Variants in CDH8 observed in about 807,000 individuals in gnomAD.
CDH8 encodes cadherin 8.
A neutral mutation model predicts 68.1 loss-of-function variants in CDH8; 17 were observed. That is an observed-to-expected ratio of 0.25 (90% confidence interval 0.17 to 0.37). The LOEUF (loss-of-function observed/expected upper bound fraction) is 0.37, where lower values mean the gene tolerates loss of function less well. CDH8 is among the 10% of genes least tolerant of loss of function. CDH8 has a pLI of 1.00. For synonymous variants in CDH8, 372 were observed against 365.1 expected (o/e 1.02, Z -0.21); for missense variants, 763 against 999.3 (o/e 0.76, Z 3.19).
At chr16:61,979,277 A>T (rs1965492250) in intron 2 of CDH8, among the ~76,000 whole-genome samples, 1 of 152,232 alleles carries the variant, frequency 6.6e-6, no homozygotes, top group African/African-American at 2.4e-5. Context: ...AGGTGGATTG[A>T]AGAAATGTGT....
intron 4 of CDH8, among the ~76,000 whole-genome samples, chr16:61,852,897 T>TCTTC (rs61658186): frequency 0.066 from 8,050 of 121,148 alleles, 369 homozygotes; most frequent in African/African-American, 0.11. Flanking sequence ...TTCCTTCCAT[T>TCTTC]CTTCCTTCCT....
At position 61,652,536 on chromosome 16, in the gene CDH8, C is replaced by G. The variant is rs1439409350; in HGVS notation, c.*1072G>C. 3.5e-5 allele frequency: 36 copies of G among 1,028,334 alleles called. No homozygotes were observed. Among genetic ancestry groups the G allele is most frequent in the Admixed American group, 5.7e-5 (1 of 17,654 alleles). The allele number at this position is 1,028,334 out of a possible 1,614,324, so 63.7% of individuals were successfully genotyped here. A position where few individuals can be genotyped will look rare whatever the true frequency, so the allele number is the denominator to read the frequency against. Reference sequence around the variant, plus strand: ...TTCCTGCCATCTCCAGTTACAATAACACTTTCTACTCTAAAGAGACTATTA... The same window carrying G: ...TTCCTGCCATCTCCAGTTACAATAAGACTTTCTACTCTAAAGAGACTATTA... On this transcript the variant is annotated 3_prime_UTR_variant, in exon 12 of 12. Transcript: ENST00000577390.
intron 10 of CDH8, chr16:61,691,919 G>A (rs1307451450): frequency 1.3e-5 from 2 of 152,044 alleles, no homozygotes; most frequent in South Asian, 2.1e-4. Flanking sequence ...CATTAATAAT[G>A]TGATATGCAG....
chr16:61,815,282 G>GTAA (rs1242072117), intron 7 of CDH8, among the ~76,000 whole-genome samples: 2 of 152,110 alleles, frequency 1.3e-5, no homozygotes, highest in Non-Finnish European at 2.9e-5. Context: ...GCCAGTAACA[G>GTAA]TAATAAAAGT....
intron 2 of CDH8, among the ~76,000 whole-genome samples, chr16:61,917,294 C>A (rs1964255739): frequency 1.3e-5 from 2 of 152,218 alleles, no homozygotes; most frequent in East Asian, 3.9e-4. Flanking sequence ...CAATTCAGTT[C>A]TCCCTGCTTT....
At chr16:61,804,768 G>A (rs1028781877) in intron 7 of CDH8, among the ~76,000 whole-genome samples, 2 of 140,740 alleles carry the variant, frequency 1.4e-5, no homozygotes, top group African/African-American at 2.7e-5. Flanking sequence ...GACTAAACCA[G>A]GAAGAAGTTG....
At chr16:61,828,245 G>A (rs1962383957) in intron 4 of CDH8, among the ~76,000 whole-genome samples, 1 of 151,858 alleles carries the variant, frequency 6.6e-6, no homozygotes, top group Non-Finnish European at 1.5e-5. Context: ...ACTGTATATG[G>A]TCTACGAAAG....
intron 3 of CDH8, among the ~76,000 whole-genome samples, chr16:61,898,830 T>C (rs373216322): frequency 6.6e-6 from 1 of 152,012 alleles, no homozygotes; most frequent in African/African-American, 2.4e-5. Flanking sequence ...GTACGTGGGA[T>C]TTGAGAGTGC....
intron 2 of CDH8, among the ~76,000 whole-genome samples, chr16:61,931,786 A>G (rs1467303398): frequency 3.3e-5 from 5 of 152,230 alleles, no homozygotes; most frequent in African/African-American, 4.8e-5. Context: ...TAAAACATCT[A>G]TAATACTAAA....
intron 2 of CDH8, among the ~76,000 whole-genome samples, chr16:62,014,549 A>G (rs953318991): frequency 6.6e-6 from 1 of 152,200 alleles, no homozygotes; most frequent in African/African-American, 2.4e-5. Flanking sequence ...CAGCCAGCAA[A>G]AAATAATGGC....
intron 3 of CDH8, among the ~76,000 whole-genome samples, chr16:61,895,561 G>A (rs955969638): frequency 2.0e-5 from 3 of 152,062 alleles, no homozygotes; most frequent in African/African-American, 7.2e-5. Context: ...AATACCCCAA[G>A]TGTCATGTTT....
chr16:61,946,223 G>C (rs1375327273), intron 2 of CDH8, among the ~76,000 whole-genome samples: 5 of 152,140 alleles, frequency 3.3e-5, no homozygotes, highest in Non-Finnish European at 7.3e-5. Context: ...AGACCACCAG[G>C]TGTCCTCTAG....
rs140844463 is a variant in CDH8, at chr16:61,813,304, C to A, written c.1277+4175G>T. On this transcript the variant is annotated intron_variant, in intron 7 of 11. Coordinates refer to ENST00000577390, the MANE Select transcript of CDH8 (RefSeq NM_001796.5). The stretch of plus-strand genomic sequence containing the variant: ...AAGAAAGGACTGGGGATAGGCATGG[C>A]ACCATCATAAGACCCAAGTGCACAC... 3.3e-5 allele frequency among the ~76,000 whole-genome samples: 5 copies of A among 152,320 alleles called. No individual in the cohort carries two copies. In the East Asian group the frequency reaches 9.7e-4, roughly 29 times the overall value.
At chr16:61,812,033 T>G (rs1456421707) in intron 7 of CDH8, among the ~76,000 whole-genome samples, 1 of 152,128 alleles carries the variant, frequency 6.6e-6, no homozygotes, top group South Asian at 2.1e-4. Flanking sequence ...TATAAGATAG[T>G]GGATCCCTTA....
At chr16:61,956,259 C>CT (rs1394494557) in intron 2 of CDH8, among the ~76,000 whole-genome samples, 1 of 152,044 alleles carries the variant, frequency 6.6e-6, no homozygotes, top group African/African-American at 2.4e-5. Context: ...TTCTGATCTC[C>CT]TTTTTTAAAA....
Position 61,781,562 on chromosome 16 carries a change from T to C in CDH8, c.1414+7784A>G, listed in dbSNP as rs1961056636. 1.3e-5 allele frequency among the ~76,000 whole-genome samples: 2 copies of C among 152,158 alleles called. 1 individual carries two copies. The highest frequency in any genetic ancestry group is 3.9e-4 in the East Asian group (2 of 5,176). On this transcript the variant is annotated intron_variant, in intron 8 of 11. Transcript: ENST00000577390. The stretch of plus-strand genomic sequence containing the variant: ...CTTGAGCCCAGGGTGGAGTGAGCTA[T>C]GATATAGTGCCTGGGCAAAAGAGAG...
intron 8 of CDH8, among the ~76,000 whole-genome samples, chr16:61,750,229 A>G (rs1183759490): frequency 6.6e-6 from 1 of 152,106 alleles, no homozygotes; most frequent in Non-Finnish European, 1.5e-5. Flanking sequence ...GCTCACTCTA[A>G]GGAGTTGCTT....
chr16:61,774,815 T>C (rs543738766), intron 8 of CDH8, among the ~76,000 whole-genome samples: 32 of 152,168 alleles, frequency 2.1e-4, no homozygotes, highest in Non-Finnish European at 3.5e-4. Context: ...AATACGTATG[T>C]GTTATAAGCC....
intron 9 of CDH8, among the ~76,000 whole-genome samples, chr16:61,722,296 C>A (rs547748661): frequency 1.3e-5 from 2 of 150,818 alleles, no homozygotes; most frequent in Admixed American, 6.6e-5. Flanking sequence ...CATTTAAAAT[C>A]AAAAATTTAT....
Sources: gnomAD v4.1 joint callset for allele counts (sites outside exome capture counted in the v4.1 genomes callset) on GRCh38, gnomAD v4.1.1 for gene constraint, MANE v1.5 for transcripts, NCBI Gene and HGNC (gene_info 2026-07-23, HGNC 2026-07-21) for gene names.